Variants in ADAMTS19 observed in about 807,000 individuals in gnomAD.
ADAMTS19 encodes ADAM metallopeptidase with thrombospondin type 1 motif 19, also known as A disintegrin and metalloproteinase with thrombospondin motifs 19.
Under a neutral mutation model 153.3 loss-of-function variants are expected in ADAMTS19, and 93 were observed. The ratio of observed to expected loss-of-function variants is 0.61; its 90% CI spans 0.51 to 0.72. The LOEUF is 0.72. Ranked by LOEUF, ADAMTS19 falls within the 30% of genes least tolerant of loss-of-function variation. ADAMTS19 has a pLI of 0.00. For missense variants in ADAMTS19, 1,482 were observed against 1,552.1 expected (o/e 0.95, Z 0.76); for synonymous variants, 600 against 556.6 (o/e 1.08, Z -1.10).
rs559639236 is a variant in ADAMTS19 at position 129,654,445 on chromosome 5, C to CA, written c.2304+23dup. ...ATGGCAGGTGCCAGGTAAGACATTC[C>CA]AAAAAAAAAAAGAATTTATATGTTG... On this transcript the variant is annotated intron_variant, in intron 14 of 22. Coordinates refer to ENST00000274487, the MANE Select transcript of ADAMTS19 (RefSeq NM_133638.6). 29,482 of 1,009,686 alleles carry CA rather than the reference C, an allele frequency of 0.029. No individual in the cohort carries two copies. The highest frequency in any genetic ancestry group is 0.039 in the East Asian group (1,051 of 27,130). 62.5% of individuals were successfully genotyped at this position (1,009,686 alleles called of 1,614,324 possible).
chr5:129,536,613 G>A (rs1389330260), intron 6 of ADAMTS19, among the ~76,000 whole-genome samples: 1 of 152,178 alleles, frequency 6.6e-6, no homozygotes, highest in Non-Finnish European at 1.5e-5. Context: ...ACATGCACAT[G>A]TATGTTTACT....
rs867634199 is a variant in ADAMTS19, at chr5:129,469,301, C to T, written c.747+7544C>T. Among the ~76,000 whole-genome samples, 34 of 152,188 alleles carry T rather than the reference C, an allele frequency of 2.2e-4. 2 individuals are homozygous for T. The Middle Eastern group carries it at 0.048, about 213-fold the overall frequency. On this transcript the variant is annotated intron_variant, in intron 2 of 22. Transcript: ENST00000274487. ...GGACATAAACATATAAAATAAACCT[C>T]AATTTTCAGAAGATTTGTTGGTAAG... is the stretch of plus-strand genomic sequence containing the variant.
At chr5:129,664,710 A>G (rs1753963244) in intron 15 of ADAMTS19, among the ~76,000 whole-genome samples, 1 of 152,150 alleles carries the variant, frequency 6.6e-6, no homozygotes, top group South Asian at 2.1e-4. Flanking sequence ...ACTACTAAGA[A>G]CAATATTTTA....
At chr5:129,716,576 T>TC (rs1251504667) in intron 21 of ADAMTS19, among the ~76,000 whole-genome samples, 1 of 147,118 alleles carries the variant, frequency 6.8e-6, no homozygotes, top group African/African-American at 2.7e-5. Flanking sequence ...CCAGTTTCTT[T>TC]TTTTTTTTTT....
chr5:129,577,557 G>C (rs1417215848), intron 7 of ADAMTS19, among the ~76,000 whole-genome samples: 4 of 152,074 alleles, frequency 2.6e-5, no homozygotes, highest in Non-Finnish European at 5.9e-5. Context: ...TTTGCATAAA[G>C]GTTTGATGAT....
intron 13 of ADAMTS19, among the ~76,000 whole-genome samples, chr5:129,653,875 C>G (rs1387398813): frequency 2.0e-5 from 3 of 151,836 alleles, no homozygotes; most frequent in Non-Finnish European, 4.4e-5. Flanking sequence ...AGTAAGACAT[C>G]AATAAATAAT....
intron 8 of ADAMTS19, among the ~76,000 whole-genome samples, chr5:129,615,917 C>A (rs1162997751): frequency 1.3e-5 from 2 of 151,936 alleles, no homozygotes; most frequent in East Asian, 3.9e-4. Flanking sequence ...TCTTACTTAT[C>A]TTTTTGACTA....
chr5:129,735,069 T>G lies in ADAMTS19; in HGVS notation c.3450T>G (p.Asn1150Lys), dbSNP rs1329160170. 6 of 1,604,056 alleles carry G rather than the reference T, an allele frequency of 3.7e-6. No homozygotes were observed. The highest frequency in any genetic ancestry group is 5.1e-6 in the Non-Finnish European group (6 of 1,176,462). Residue 1150 changes from asparagine (N) to lysine (K), a missense_variant, in exon 22 of 23, where the codon AAT becomes AAG. Transcript: ENST00000274487. Reference sequence around the variant, plus strand: ...GGCCATGCCATCTTCAACCCTGCAATGAGAAAATTAATGTAAATACCATAA... The same window carrying G: ...GGCCATGCCATCTTCAACCCTGCAAGGAGAAAATTAATGTAAATACCATAA... ...AYRPCHLQPC[N>K]EKINVNTITS...
intron 2 of ADAMTS19, among the ~76,000 whole-genome samples, chr5:129,472,767 T>A (rs1317562679): frequency 6.6e-6 from 1 of 150,756 alleles, no homozygotes; most frequent in Non-Finnish European, 1.5e-5. Flanking sequence ...AGTTATATAT[T>A]TATGTTATTA....
intron 16 of ADAMTS19, among the ~76,000 whole-genome samples, chr5:129,668,464 A>C (rs1754150530): frequency 1.3e-5 from 2 of 152,172 alleles, no homozygotes; most frequent in Admixed American, 6.5e-5. Flanking sequence ...TTAAGGGCTC[A>C]TTTCCTGATT....
At chr5:129,720,377 G>A (rs1756948247) in intron 21 of ADAMTS19, among the ~76,000 whole-genome samples, 1 of 151,562 alleles carries the variant, frequency 6.6e-6, no homozygotes, top group Non-Finnish European at 1.5e-5. Flanking sequence ...CACCACGTTG[G>A]CCAGTCTGGT....
chr5:129,557,815 T>C (rs1437092635), intron 7 of ADAMTS19, among the ~76,000 whole-genome samples: 4 of 151,984 alleles, frequency 2.6e-5, no homozygotes. Flanking sequence ...TAAGCCCTTC[T>C]TTATTAGGAA....
rs940252833 is a variant in ADAMTS19 at position 129,509,519 on chromosome 5, G to A, written c.913+277G>A. On this transcript the variant is annotated intron_variant, in intron 3 of 22. Coordinates refer to ENST00000274487, the MANE Select transcript of ADAMTS19 (RefSeq NM_133638.6). The stretch of plus-strand genomic sequence containing the variant: ...TGTAAAGTGTTCCTCATGGGATACT[G>A]TTCACTTTACTGGAATAGAAATGAC... 1.6e-3 allele frequency among the ~76,000 whole-genome samples: 237 copies of A among 151,980 alleles called. 1 individual carries two copies. The highest frequency in any genetic ancestry group is 5.3e-3 in the African/African-American group (222 of 41,516).
chr5:129,596,454 C>T (rs2126919764), intron 7 of ADAMTS19, 105 bp from the exon 8 acceptor site: 2 of 767,260 alleles, frequency 2.6e-6, no homozygotes, highest in South Asian at 2.0e-5. Flanking sequence ...TTAATACTGA[C>T]ATTTTAGTCG....
intron 7 of ADAMTS19, among the ~76,000 whole-genome samples, chr5:129,554,059 A>G (rs1485877916): frequency 6.6e-6 from 1 of 152,180 alleles, no homozygotes; most frequent in African/African-American, 2.4e-5. Context: ...AGTGCTAGGT[A>G]TTATATTAGG....
chr5:129,462,492 T>C, intron 2 of ADAMTS19, among the ~76,000 whole-genome samples: 1 of 152,146 alleles, frequency 6.6e-6, no homozygotes. Flanking sequence ...AAAAGGCCTG[T>C]TGGGATGGAA....
intron 21 of ADAMTS19, among the ~76,000 whole-genome samples, chr5:129,722,015 G>T (rs1757025052): frequency 6.6e-6 from 1 of 152,074 alleles, no homozygotes; most frequent in Admixed American, 6.5e-5. Context: ...TACACATTTG[G>T]GTTGGTTCCA....
rs1424029662 is a variant in ADAMTS19 at position 129,574,448 on chromosome 5, G to A, written c.1373-22111G>A. On this transcript the variant is annotated intron_variant, in intron 7 of 22. Transcript: ENST00000274487. Reference sequence around the variant, plus strand: ...CACCCCAATCCCTCGACAGGCCTTGGTGTGTGTTGTTCCCCTCTCTGTGTC... The same window carrying A: ...CACCCCAATCCCTCGACAGGCCTTGATGTGTGTTGTTCCCCTCTCTGTGTC... Among the ~76,000 whole-genome samples the A allele has an allele frequency of 2.0e-5, 3 of 151,852 alleles. No homozygotes were observed. The East Asian group carries it at 5.8e-4, about 29-fold the overall frequency.
intron 8 of ADAMTS19, among the ~76,000 whole-genome samples, chr5:129,614,357 C>T (rs1040569345): frequency 1.2e-4 from 19 of 152,202 alleles, no homozygotes; most frequent in African/African-American, 3.9e-4. Context: ...GGGCTTCATC[C>T]CTGGGATGCA....
Sources: allele counts gnomAD v4.1 joint callset (sites outside exome capture counted in the v4.1 genomes callset), GRCh38; gene constraint gnomAD v4.1.1; transcripts MANE v1.5; gene names NCBI Gene and HGNC (gene_info 2026-07-23, HGNC 2026-07-21).